OR8B3: variants seen among roughly 807,000 people sequenced by gnomAD.
OR8B3 encodes olfactory receptor family 8 subfamily B member 3.
For synonymous variants in OR8B3, 102 were observed against 135.4 expected (o/e 0.75, Z 1.71); for missense variants, 278 against 377.6 (o/e 0.74, Z 2.19).
chr11:124,398,957 A>G lies in OR8B3; in HGVS notation c.-285T>C, dbSNP rs1465474609. ...CACTTCAAACCAGAGCTACCATGTCATAGAGCACATGGCATTTGCTCAAGG... is the reference window on the plus strand; with the variant it reads ...CACTTCAAACCAGAGCTACCATGTCGTAGAGCACATGGCATTTGCTCAAGG... On this transcript the variant is annotated 5_prime_UTR_variant, in exon 1 of 2. An upstream start codon of the reference 5' UTR is lost. Transcript: ENST00000641139. 6.6e-6 allele frequency: 1 copy of G among 152,248 alleles called. No individual in the cohort carries two copies. Among genetic ancestry groups the G allele is most frequent in the African/African-American group, 2.4e-5 (1 of 41,474 alleles). The allele number at this position is 152,248 out of a possible 1,614,324, so 9.4% of individuals were successfully genotyped here. A position where few individuals can be genotyped will look rare whatever the true frequency, so the allele number is the denominator to read the frequency against.
upstream of OR8B3, among the ~76,000 whole-genome samples, chr11:124,401,222 C>CAGAGAGAGAGAGAGAGAGAGAG (rs3071311): frequency 0.031 from 4,466 of 142,308 alleles, 157 homozygotes; most frequent in African/African-American, 0.055. Context: ...TGCAAAGAGA[C>CAGAGAGAGAGAGAGAGAGAGAG]AGAGAGAGAG....
At chr11:124,405,550 G>A in the OR8B3 span, among the ~76,000 whole-genome samples, 303 of 152,266 alleles carry the variant, frequency 2.0e-3, 2 homozygotes, top group African/African-American at 6.8e-3. Flanking sequence ...GTCTTGAAGG[G>A]GGCAAATCTG....
Position 124,397,037 on chromosome 11 carries a change from GAGAA to G in OR8B3, c.311_314del (p.Phe104SerfsTer11), listed in dbSNP as rs750546582. The stretch of plus-strand genomic sequence containing the variant: ...TGTAACATTCAGAGATGACAAAAAA[GAGAA>G]AGAAAAACAGCTGAGTCATGCACCC... On this transcript the variant is annotated frameshift_variant, in exon 2 of 2. Coordinates refer to ENST00000641139, the MANE Select transcript of OR8B3 (RefSeq NM_001005467.2). LOFTEE classifies it low-confidence loss of function (END_TRUNC). 3 of 1,613,796 alleles carry G rather than the reference GAGAA, an allele frequency of 1.9e-6. No homozygotes were observed. The highest frequency in any genetic ancestry group is 3.3e-5 in the Admixed American group (2 of 59,948).
upstream of OR8B3, among the ~76,000 whole-genome samples, chr11:124,399,765 G>A (rs111251428): frequency 1.2e-4 from 18 of 152,182 alleles, no homozygotes; most frequent in East Asian, 9.7e-4. Flanking sequence ...TAATGTTAAC[G>A]AAACTACAGA....
chr11:124,404,400 G>A, the OR8B3 span: 2 of 152,136 alleles, frequency 1.3e-5, no homozygotes, highest in Admixed American at 1.3e-4. Context: ...AATTTTTCTT[G>A]TGAGTAACCC....
chr11:124,398,120 G>C (rs759491504), intron 1 of OR8B3, among the ~76,000 whole-genome samples: 59 of 152,088 alleles, frequency 3.9e-4, no homozygotes, highest in Non-Finnish European at 7.4e-4. Context: ...TCCTAGACAG[G>C]GGTCTCCTAT....
upstream of OR8B3, among the ~76,000 whole-genome samples, chr11:124,402,775 T>C (rs1861016027): frequency 6.6e-6 from 1 of 152,194 alleles, no homozygotes; most frequent in Non-Finnish European, 1.5e-5. Flanking sequence ...GAGTAAGAGC[T>C]TTAAACAAAT....
At chr11:124,406,516 T>G in the OR8B3 span, among the ~76,000 whole-genome samples, 1 of 152,140 alleles carries the variant, frequency 6.6e-6, no homozygotes, top group African/African-American at 2.4e-5. Flanking sequence ...CAGCATTTTC[T>G]TATGATTTCC....
chr11:124,409,729 T>C, the OR8B3 span, among the ~76,000 whole-genome samples: 12 of 152,174 alleles, frequency 7.9e-5, no homozygotes, highest in African/African-American at 2.9e-4. Flanking sequence ...TGCCAATAGA[T>C]AGAATTGTGC....
intron 1 of OR8B3, 59 bp downstream of exon 1, chr11:124,398,631 A>G (rs1860936397): frequency 6.6e-6 from 1 of 152,180 alleles, no homozygotes; most frequent in Non-Finnish European, 1.5e-5. Context: ...TGAATAGAAT[A>G]CTTTTCCCCA....
Position 124,396,698 on chromosome 11 carries a change from A to C in OR8B3, c.654T>G (p.Tyr218Ter). Residue 218 changes from tyrosine (Y) to a stop codon, truncating the protein, a stop_gained, in exon 2 of 2, where the codon TAT (tyrosine) becomes TAG (stop). Coordinates refer to ENST00000641139, the MANE Select transcript of OR8B3 (RefSeq NM_001005467.2). LOFTEE classifies it low-confidence loss of function (END_TRUNC). ...GAAGAATGCTAGTGACAATGAAAAC[A>C]TAAGAAATGAGGATGGTACAACTGG... ...MVPSCTILIS[Y>*]VFIVTSILHI... is the part of the protein sequence containing the mutation. 6.2e-7 allele frequency: 1 copy of C among 1,613,942 alleles called. No individual in the cohort carries two copies. The highest frequency in any genetic ancestry group is 8.5e-7 in the Non-Finnish European group (1 of 1,179,872).
chr11:124,403,835 G>A (rs1346270761), upstream of OR8B3, among the ~76,000 whole-genome samples: 1 of 152,234 alleles, frequency 6.6e-6, no homozygotes, highest in African/African-American at 2.4e-5. Flanking sequence ...TGAGCACTGA[G>A]TGAGCGAGAC....
upstream of OR8B3, among the ~76,000 whole-genome samples, chr11:124,403,732 A>G (rs932111029): frequency 1.3e-5 from 2 of 152,166 alleles, no homozygotes; most frequent in African/African-American, 2.4e-5. Flanking sequence ...AAAGGCTGCA[A>G]TCTCGGCACT....
upstream of OR8B3, chr11:124,399,086 T>A (rs1860946658): frequency 6.6e-6 from 1 of 152,210 alleles, no homozygotes; most frequent in African/African-American, 2.4e-5. Flanking sequence ...TGCCCTTGTT[T>A]ACAGCCTAAT....
At chr11:124,398,195 G>C (rs1253411550) in intron 1 of OR8B3, among the ~76,000 whole-genome samples, 1 of 152,168 alleles carries the variant, frequency 6.6e-6, no homozygotes, top group East Asian at 1.9e-4. Flanking sequence ...AAGACCCTTA[G>C]TAGTCAAAGC....
the OR8B3 span, among the ~76,000 whole-genome samples, chr11:124,407,930 A>G: frequency 2.0e-5 from 3 of 152,172 alleles, no homozygotes; most frequent in East Asian, 5.8e-4. Flanking sequence ...AATATCATGT[A>G]TCTTGCATTT....
chr11:124,401,339 A>G (rs1860993188), upstream of OR8B3, among the ~76,000 whole-genome samples: 1 of 151,938 alleles, frequency 6.6e-6, no homozygotes, highest in Non-Finnish European at 1.5e-5. Context: ...CCTAATCACA[A>G]TCACCTCTTA....
chr11:124,401,883 A>T (rs1184512051), upstream of OR8B3, among the ~76,000 whole-genome samples: 1 of 152,196 alleles, frequency 6.6e-6, no homozygotes, highest in Non-Finnish European at 1.5e-5. Flanking sequence ...CCAAAACATA[A>T]GCTCCACCAG....
the OR8B3 span, among the ~76,000 whole-genome samples, chr11:124,409,437 G>A: frequency 6.6e-6 from 1 of 152,280 alleles, no homozygotes; most frequent in South Asian, 2.1e-4. Context: ...GATTTTAAAA[G>A]GTAAGTTAAT....
Sources: allele counts gnomAD v4.1 joint callset (sites outside exome capture counted in the v4.1 genomes callset), GRCh38; gene constraint gnomAD v4.1.1; transcripts MANE v1.5; gene names NCBI Gene and HGNC (gene_info 2026-07-23, HGNC 2026-07-21).